The following RAPGEF1 variants were observed in gnomAD, a reference collection of about 807,000 sequenced individuals.
RAPGEF1 encodes the protein CRK SH3-binding GNRP.
Under a neutral mutation model 143.3 loss-of-function variants are expected in RAPGEF1, and 33 were observed. The observed-to-expected ratio is 0.23, with a 90% CI of 0.17 to 0.31. RAPGEF1 has a LOEUF of 0.31. Ranked by LOEUF, RAPGEF1 falls within the 10% of genes least tolerant of loss-of-function variation. The probability of loss-of-function intolerance (pLI) is 1.00; values close to 1 mark genes in which losing one functional copy is unlikely to be tolerated. For synonymous variants in RAPGEF1, 629 were observed against 676.5 expected, an observed-to-expected ratio of 0.93 and a Z score of 1.09; for missense variants, 1,199 against 1,645.4, an observed-to-expected ratio of 0.73 and a Z score of 4.69.
chr9:131,605,600 T>C (rs1956995566), intron 12 of RAPGEF1, among the ~76,000 whole-genome samples: 1 of 152,198 alleles, frequency 6.6e-6, no homozygotes, highest in South Asian at 2.1e-4. Flanking sequence ...GTTTTATTCC[T>C]TAAGAGTCAA....
At position 131,731,696 on chromosome 9, in the gene RAPGEF1, T is replaced by C. The variant is rs534749593; in HGVS notation, c.61+8074A>G. Among the ~76,000 whole-genome samples the C allele has an allele frequency of 1.3e-4, 20 of 152,358 alleles. No homozygotes were observed. The East Asian group carries it at 3.3e-3, about 25-fold the overall frequency. On this transcript the variant is annotated intron_variant, in intron 1 of 26. Transcript: ENST00000683357. ...AAATCCGCCCCTCTGAACCCAGCCC[T>C]GGGCAAACCACACAGCATCCTGTGC...
rs1403006159 is a variant in RAPGEF1, at chr9:131,739,771, T to C, written c.60A>G (p.Ala20=). 1.7e-6 allele frequency: 2 copies of C among 1,172,804 alleles called. No individual in the cohort carries two copies. Among genetic ancestry groups the C allele is most frequent in the South Asian group, 1.8e-5 (1 of 56,860 alleles). The allele number at this position is 1,172,804 out of a possible 1,614,324, so 72.6% of individuals were successfully genotyped here. A position where few individuals can be genotyped will look rare whatever the true frequency, so the allele number is the denominator to read the frequency against. ...SPEMSGKIEK[A]DSQRSHLSSF... ...AGCCGCCCCACGCCCGCGCCTCACC[T>C]GCTTTCTCGATCTTGCCGGACATTT... Residue 20 remains alanine, a splice_region_variant and synonymous_variant, in exon 1 of 27, where the codon GCA becomes GCG. Coordinates refer to ENST00000683357, the MANE Select transcript of RAPGEF1 (RefSeq NM_001377935.1).
At chr9:131,729,477 A>G (rs1836883450) in intron 1 of RAPGEF1, among the ~76,000 whole-genome samples, 1 of 152,268 alleles carries the variant, frequency 6.6e-6, no homozygotes, top group Non-Finnish European at 1.5e-5. Flanking sequence ...AGCCACTTCA[A>G]TAATGGAGAA....
intron 5 of RAPGEF1, among the ~76,000 whole-genome samples, chr9:131,631,762 T>C (rs1964929773): frequency 6.6e-6 from 1 of 152,238 alleles, no homozygotes; most frequent in African/African-American, 2.4e-5. Flanking sequence ...GCAAGGGTTC[T>C]TTCGAAAACA....
chr9:131,616,140 C>A (rs1195815589), intron 12 of RAPGEF1, among the ~76,000 whole-genome samples: 1 of 151,960 alleles, frequency 6.6e-6, no homozygotes, highest in African/African-American at 2.4e-5. Flanking sequence ...TTGTGGAGGG[C>A]GGCTGTAATC....
intron 1 of RAPGEF1, among the ~76,000 whole-genome samples, chr9:131,652,272 A>G: frequency 6.6e-6 from 1 of 151,904 alleles, no homozygotes; most frequent in Non-Finnish European, 1.5e-5. Context: ...TTTTTTTGAG[A>G]CAGGGTCTCA....
intron 1 of RAPGEF1, among the ~76,000 whole-genome samples, chr9:131,666,044 A>C: frequency 6.6e-6 from 1 of 152,264 alleles, no homozygotes; most frequent in Admixed American, 6.5e-5. Flanking sequence ...GCAAACACGC[A>C]GATAAAAGAA....
chr9:131,719,291 C>A (rs1446146194), intron 1 of RAPGEF1, among the ~76,000 whole-genome samples: 1 of 152,178 alleles, frequency 6.6e-6, no homozygotes, highest in East Asian at 1.9e-4. Context: ...CAGCTTCTGG[C>A]CATCTCTTGT....
intron 5 of RAPGEF1, 46 bp downstream of exon 5, chr9:131,638,589 C>T: frequency 6.2e-7 from 1 of 1,601,592 alleles, no homozygotes; most frequent in Non-Finnish European, 8.5e-7. Flanking sequence ...AGCAGGCAGG[C>T]TGCTCTAAGT....
intron 1 of RAPGEF1, among the ~76,000 whole-genome samples, chr9:131,651,709 T>G (rs898045176): frequency 6.6e-6 from 1 of 152,160 alleles, no homozygotes. Flanking sequence ...ACTAAGAAAG[T>G]GAACAAACCC....
chr9:131,732,216 C>G (rs1453330157), intron 1 of RAPGEF1, among the ~76,000 whole-genome samples: 1 of 149,712 alleles, frequency 6.7e-6, no homozygotes, highest in Non-Finnish European at 1.5e-5. Context: ...GGAAGCCAGT[C>G]CTAAATCACA....
At chr9:131,592,040 T>A in intron 18 of RAPGEF1, 59 bp downstream of exon 18, 1 of 1,335,798 alleles carries the variant, frequency 7.5e-7, no homozygotes, top group Non-Finnish European at 1.1e-6. Context: ...GGCAAGAGGG[T>A]CCCTCTCTCT....
At chr9:131,647,694 C>T (rs1014687377) in intron 3 of RAPGEF1, among the ~76,000 whole-genome samples, 3 of 152,188 alleles carry the variant, frequency 2.0e-5, no homozygotes, top group South Asian at 4.1e-4. Flanking sequence ...GCAAGAGGTT[C>T]GCATTTACTT....
intron 22 of RAPGEF1, among the ~76,000 whole-genome samples, chr9:131,586,719 G>A (rs186482003): frequency 7.4e-5 from 8 of 107,848 alleles, no homozygotes; most frequent in Admixed American, 5.8e-4. Context: ...CCTGCAGAGC[G>A]AGACTCCGTC....
intron 12 of RAPGEF1, among the ~76,000 whole-genome samples, chr9:131,609,759 GT>G (rs1243838714): frequency 6.6e-6 from 1 of 152,050 alleles, no homozygotes; most frequent in African/African-American, 2.4e-5. Flanking sequence ...CCAGGCACCA[GT>G]TTTTTTTCTC....
rs1006098522 is a variant in RAPGEF1 at position 131,655,381 on chromosome 9, C to A, written c.62-4432G>T. Among the ~76,000 whole-genome samples the A allele has an allele frequency of 3.9e-5, 6 of 152,216 alleles. No homozygotes were observed. ...GGCTAGCTCACCTGGAACAGCTCAACAGGGTCAGGAGGCTCTCAACACCAG... is the reference window on the plus strand; with the variant it reads ...GGCTAGCTCACCTGGAACAGCTCAAAAGGGTCAGGAGGCTCTCAACACCAG... On this transcript the variant is annotated intron_variant, in intron 1 of 26. Coordinates refer to ENST00000683357, the MANE Select transcript of RAPGEF1 (RefSeq NM_001377935.1). The surrounding 1 kb of genome is among the most constrained non-coding windows in gnomAD (Gnocchi z 4.1).
At chr9:131,702,343 A>G (rs537219733) in intron 1 of RAPGEF1, among the ~76,000 whole-genome samples, 1 of 152,338 alleles carries the variant, frequency 6.6e-6, no homozygotes, top group South Asian at 2.1e-4. Context: ...ATAAAGCCTC[A>G]TGTCTCCTTT....
At chr9:131,723,555 T>G (rs1437381196) in intron 1 of RAPGEF1, among the ~76,000 whole-genome samples, 1 of 152,252 alleles carries the variant, frequency 6.6e-6, no homozygotes, top group Admixed American at 6.5e-5. Context: ...ACTAGCTTAT[T>G]TTACTTAGCA....
chr9:131,647,651 A>G (rs1027219501), intron 3 of RAPGEF1, among the ~76,000 whole-genome samples: 2 of 152,152 alleles, frequency 1.3e-5, no homozygotes, highest in South Asian at 2.1e-4. Context: ...AAGTTTCTCA[A>G]TGCTTCTGGT....
Sources: allele counts gnomAD v4.1 joint callset (sites outside exome capture counted in the v4.1 genomes callset), GRCh38; gene constraint gnomAD v4.1.1; non-coding constraint Gnocchi (gnomAD v3.1); transcripts MANE v1.5; gene names NCBI Gene and HGNC (gene_info 2026-07-23, HGNC 2026-07-21).